Variants in IMPG2 observed in about 807,000 individuals in gnomAD.
IMPG2 encodes interphotoreceptor matrix proteoglycan 2.
In IMPG2, 91 loss-of-function variants were observed where a neutral mutation model predicts 129.2. The observed-to-expected ratio is 0.70, with a 90% CI of 0.59 to 0.84. IMPG2 has a LOEUF of 0.84. Among genes scored for constraint, IMPG2 ranks in the 40% least tolerant of loss-of-function variants. The probability of loss-of-function intolerance (pLI) is 0.00; values close to 1 mark genes in which losing one functional copy is unlikely to be tolerated. For synonymous variants in IMPG2, 510 were observed against 517.7 expected, an observed-to-expected ratio of 0.99 and a Z score of 0.20; for missense variants, 1,430 against 1,461.7, an observed-to-expected ratio of 0.98 and a Z score of 0.35.
chr3:101,268,511 G>A (rs1367237238), intron 8 of IMPG2, among the ~76,000 whole-genome samples: 6 of 151,926 alleles, frequency 3.9e-5, no homozygotes, highest in Admixed American at 6.6e-5. Flanking sequence ...AACAACACTG[G>A]GAAAATTATT....
rs187367828 is a variant in IMPG2, at chr3:101,257,964, A to C, written c.909-191T>G. On this transcript the variant is annotated intron_variant, in intron 9 of 18. Transcript: ENST00000193391. ...TCCTTCCCAGAGAATGAGGGGTCAT[A>C]GCTCTAAGAATAGGGAAAAGAATTC... 2.9e-3 allele frequency among the ~76,000 whole-genome samples: 443 copies of C among 152,164 alleles called. 13 individuals are homozygous for C. The highest frequency in any genetic ancestry group is 7.4e-4 in the Non-Finnish European group (50 of 67,974).
chr3:101,251,713 T>C (rs1241096232), intron 11 of IMPG2, among the ~76,000 whole-genome samples: 1 of 152,146 alleles, frequency 6.6e-6, no homozygotes, highest in East Asian at 1.9e-4. Flanking sequence ...ATAACTTTTT[T>C]TTTAACTCTT....
At chr3:101,241,544 A>C (rs1243746528) in intron 14 of IMPG2, among the ~76,000 whole-genome samples, 1 of 152,150 alleles carries the variant, frequency 6.6e-6, no homozygotes, top group African/African-American at 2.4e-5. Context: ...TATATGGAGG[A>C]TGGATAGGAG....
intron 2 of IMPG2, among the ~76,000 whole-genome samples, chr3:101,306,697 A>T (rs1036616074): frequency 6.6e-6 from 1 of 151,840 alleles, no homozygotes; most frequent in African/African-American, 2.4e-5. Flanking sequence ...ATCTACCCAT[A>T]GGGAAAGAAA....
chr3:101,284,120 A>AT (rs1706921372), intron 4 of IMPG2, among the ~76,000 whole-genome samples: 1 of 152,220 alleles, frequency 6.6e-6, no homozygotes, highest in Non-Finnish European at 1.5e-5. Flanking sequence ...AATATAAAGC[A>AT]TGATCACAAA....
chr3:101,269,617 G>T (rs766101877), intron 7 of IMPG2, 44 bp from the exon 8 acceptor site: 2 of 1,093,012 alleles, frequency 1.8e-6, no homozygotes, highest in Admixed American at 1.7e-5. Flanking sequence ...TAAAAATATG[G>T]AAAAATATAT....
Position 101,226,928 on chromosome 3 carries a change from C to A in IMPG2, c.*41G>T. Reference sequence around the variant, plus strand: ...GACATAAGTAACAAGTAATCTCCATCTTCTCCAGGCTTCTAATCAGTTTCA... The same window carrying A: ...GACATAAGTAACAAGTAATCTCCATATTCTCCAGGCTTCTAATCAGTTTCA... On this transcript the variant is annotated 3_prime_UTR_variant, in exon 19 of 19. Coordinates refer to ENST00000193391, the MANE Select transcript of IMPG2 (RefSeq NM_016247.4). 1.9e-6 allele frequency: 3 copies of A among 1,603,570 alleles called. No homozygotes were observed. Among genetic ancestry groups the A allele is most frequent in the Non-Finnish European group, 8.5e-7 (1 of 1,170,768 alleles).
chr3:101,290,628 G>C (rs1706997189), intron 4 of IMPG2, among the ~76,000 whole-genome samples: 1 of 152,150 alleles, frequency 6.6e-6, no homozygotes, highest in Non-Finnish European at 1.5e-5. Flanking sequence ...TTGGCTGTTT[G>C]AATAAGACCA....
chr3:101,248,942 G>A (rs1706514593), intron 11 of IMPG2, among the ~76,000 whole-genome samples: 1 of 152,102 alleles, frequency 6.6e-6, no homozygotes, highest in Non-Finnish European at 1.5e-5. Flanking sequence ...TTTGTTTTCT[G>A]TTTGAGTTTG....
intron 7 of IMPG2, among the ~76,000 whole-genome samples, chr3:101,272,026 C>T (rs1329345806): frequency 1.3e-5 from 2 of 152,128 alleles, no homozygotes; most frequent in Admixed American, 1.3e-4. Flanking sequence ...TCACACTGAC[C>T]TTTCCCTCTC....
At chr3:101,311,947 T>C (rs1276677399) in intron 2 of IMPG2, among the ~76,000 whole-genome samples, 4 of 152,114 alleles carry the variant, frequency 2.6e-5, no homozygotes, top group Admixed American at 2.6e-4. Context: ...TGGAAAAGAA[T>C]AGCCTTTTCG....
In IMPG2 at chr3:101,288,236, G is replaced by A. The variant is rs188099535; in HGVS notation, c.533+3243C>T. 1.0e-3 allele frequency among the ~76,000 whole-genome samples: 156 copies of A among 152,272 alleles called. 1 individual carries two copies. Among genetic ancestry groups the A allele is most frequent in the African/African-American group, 3.4e-3 (142 of 41,558 alleles). On this transcript the variant is annotated intron_variant, in intron 4 of 18. Transcript: ENST00000193391. The stretch of plus-strand genomic sequence containing the variant: ...ACTAAAAAGTGAGAAAATAACAGAT[G>A]TTGATGAGGTTGCAGAGAAAAAGAA...
chr3:101,244,566 C>T lies in IMPG2; in HGVS notation c.1765G>A (p.Ala589Thr), dbSNP rs1706453795. 6.3e-7 allele frequency: 1 copy of T among 1,592,068 alleles called. No homozygotes were observed. Among genetic ancestry groups the T allele is most frequent in the South Asian group, 1.1e-5 (1 of 87,144 alleles). Reference sequence around the variant, plus strand: ...AATATTAACTCTTTTTCCATGGATGCATCTGGCAGGAAAGGGCTCACTTTT... The same window carrying T: ...AATATTAACTCTTTTTCCATGGATGTATCTGGCAGGAAAGGGCTCACTTTT... Reference protein sequence around the residue: ...QLKVSPFLPDASMEKELIFDG... With the variant: ...QLKVSPFLPDTSMEKELIFDG... Residue 589 changes from alanine to threonine, a missense_variant, in exon 13 of 19, where the codon GCA (alanine) becomes ACA (threonine). Ala to Thr is a moderately conservative substitution (Grantham distance 58). Transcript: ENST00000193391.
intron 9 of IMPG2, among the ~76,000 whole-genome samples, chr3:101,259,880 T>C (rs1706651631): frequency 6.6e-6 from 1 of 152,132 alleles, no homozygotes; most frequent in South Asian, 2.1e-4. Context: ...CTTTTGATTA[T>C]AACTCCCTAC....
At chr3:101,283,741 T>G (rs2107120202) in intron 4 of IMPG2, among the ~76,000 whole-genome samples, 1 of 152,284 alleles carries the variant, frequency 6.6e-6, no homozygotes, top group Middle Eastern at 3.4e-3. Flanking sequence ...AAAGGAAGTT[T>G]GGATTTGCAA....
intron 14 of IMPG2, among the ~76,000 whole-genome samples, chr3:101,234,101 T>A (rs1706319672): frequency 6.6e-6 from 1 of 150,684 alleles, no homozygotes; most frequent in South Asian, 2.1e-4. Context: ...TTCATGTCCA[T>A]CCAGAACCGC....
intron 17 of IMPG2, 77 bp downstream of exon 17, chr3:101,229,303 C>T: frequency 2.3e-6 from 2 of 855,778 alleles, no homozygotes; most frequent in Non-Finnish European, 3.9e-6. Flanking sequence ...CATACACACC[C>T]CCACCCACCA....
chr3:101,257,475 G>C (rs916201305), intron 10 of IMPG2, 54 bp downstream of exon 10: 1 of 1,601,366 alleles, frequency 6.2e-7, no homozygotes, highest in African/African-American at 1.3e-5. Flanking sequence ...GTTTACACCA[G>C]AGCATACTGG....
rs755337638 is a variant in IMPG2 at position 101,244,265 on chromosome 3, A to G, written c.2066T>C (p.Ile689Thr). Residue 689 changes from isoleucine to threonine, a missense_variant, in exon 13 of 19, where the codon ATC (isoleucine) becomes ACC (threonine). Physicochemically the swap from Ile to Thr is moderately conservative, Grantham distance 89. Coordinates refer to ENST00000193391, the MANE Select transcript of IMPG2 (RefSeq NM_016247.4). ...AGATTCAGCTGCAGTATCTGCGAAG[A>G]TGGGCACAGCAGGCCCACTAAGAGG... is the stretch of plus-strand genomic sequence containing the variant. Reference protein sequence around the residue: ...EEPLSGPAVPIFADTAAESAS... With the variant: ...EEPLSGPAVPTFADTAAESAS... The G allele has an allele frequency of 6.2e-7, 1 of 1,614,050 alleles. No individual in the cohort carries two copies. The highest frequency in any genetic ancestry group is 1.1e-5 in the South Asian group (1 of 91,082).
Sources: gnomAD v4.1 joint callset for allele counts (sites outside exome capture counted in the v4.1 genomes callset) on GRCh38, gnomAD v4.1.1 for gene constraint, MANE v1.5 for transcripts, NCBI Gene and HGNC (gene_info 2026-07-23, HGNC 2026-07-21) for gene names.